The following RASA3 variants were observed in gnomAD, a reference collection of about 807,000 sequenced individuals.
RASA3 encodes ras GTPase-activating protein 3.
Under a neutral mutation model 110.0 loss-of-function variants are expected in RASA3, and 73 were observed. The observed-to-expected ratio is 0.66, with a 90% CI of 0.55 to 0.81. The LOEUF (loss-of-function observed/expected upper bound fraction) is 0.81. Among genes scored for constraint, RASA3 ranks in the 30% least tolerant of loss-of-function variants. The pLI, the probability that RASA3 is intolerant of heterozygous loss-of-function variation, is 0.00. For synonymous variants in RASA3, 500 were observed against 451.4 expected, an observed-to-expected ratio of 1.11 and a Z score of -1.37; for missense variants, 976 against 1,113.2, an observed-to-expected ratio of 0.88 and a Z score of 1.75.
intron 12 of RASA3, among the ~76,000 whole-genome samples, chr13:114,016,936 C>T (rs1013266226): frequency 6.6e-6 from 1 of 152,200 alleles, no homozygotes; most frequent in Non-Finnish European, 1.5e-5. Flanking sequence ...CAGGGGACTG[C>T]AGGACATGTG....
At chr13:114,032,880 A>G (rs1221735597) in intron 4 of RASA3, among the ~76,000 whole-genome samples, 5 of 25,612 alleles carry the variant, frequency 2.0e-4, no homozygotes, top group Non-Finnish European at 2.1e-4. Context: ...CTGACACCAC[A>G]CCCCACAGCA....
chr13:114,049,692 C>T (rs2079111451), intron 3 of RASA3, among the ~76,000 whole-genome samples: 1 of 152,240 alleles, frequency 6.6e-6, no homozygotes. Flanking sequence ...TGAGCCCCGC[C>T]AGATACACCA....
intron 1 of RASA3, among the ~76,000 whole-genome samples, chr13:114,126,666 A>G (rs1566592342): frequency 6.6e-6 from 1 of 152,244 alleles, no homozygotes; most frequent in Non-Finnish European, 1.5e-5. Context: ...TTGCTTACAT[A>G]GAAGTCCAGT....
Position 114,009,370 on chromosome 13 carries a change from G to C in RASA3, c.1668+17C>G. ...GAGCACGGCACACGGGCGGTCGGAG[G>C]GTGAGTCGATACTTACGTTCTTCAC... On this transcript the variant is annotated intron_variant, in intron 17 of 23. Transcript: ENST00000334062. 6 of 1,599,652 alleles carry C rather than the reference G, an allele frequency of 3.8e-6. No homozygotes were observed. Among genetic ancestry groups the C allele is most frequent in the Non-Finnish European group, 5.1e-6 (6 of 1,168,142 alleles).
intron 4 of RASA3, among the ~76,000 whole-genome samples, chr13:114,034,602 G>A (rs1008848434): frequency 6.6e-6 from 1 of 152,192 alleles, no homozygotes; most frequent in Admixed American, 6.5e-5. Flanking sequence ...TCAGGAGTGG[G>A]AACAAACAAA....
intron 17 of RASA3, among the ~76,000 whole-genome samples, chr13:114,007,934 G>A (rs1158882983): frequency 1.6e-5 from 2 of 121,878 alleles, no homozygotes; most frequent in Non-Finnish European, 3.6e-5. Context: ...ATCCCTGACT[G>A]TGGGGAGGAG....
At chr13:114,018,646 G>A (rs3818624) in intron 10 of RASA3, 117 bp downstream of exon 10, 276,739 of 1,309,844 alleles carry the variant, frequency 0.21, 30,383 homozygotes, top group African/African-American at 0.27. Context: ...GCTGGGAGGC[G>A]TGGGAAAGGC....
intron 8 of RASA3, among the ~76,000 whole-genome samples, 156 bp downstream of exon 8, chr13:114,024,123 C>T (rs573725031): frequency 1.2e-4 from 19 of 152,388 alleles, no homozygotes; most frequent in African/African-American, 4.1e-4. Flanking sequence ...CAGGCTGTCA[C>T]TTCAACTACA....
At chr13:114,019,854 C>A (rs1467913463) in intron 9 of RASA3, among the ~76,000 whole-genome samples, 3 of 71,836 alleles carry the variant, frequency 4.2e-5, no homozygotes, top group Admixed American at 3.8e-4. Context: ...AGCCTGTGTC[C>A]GAGGCATTAG....
chr13:114,103,511 G>A (rs1460459551), intron 1 of RASA3, among the ~76,000 whole-genome samples: 1 of 146,556 alleles, frequency 6.8e-6, no homozygotes, highest in African/African-American at 2.5e-5. Flanking sequence ...TCTCGGCTCA[G>A]CACCACCACC....
intron 4 of RASA3, among the ~76,000 whole-genome samples, chr13:114,030,710 G>A (rs550789708): frequency 9.2e-5 from 14 of 152,280 alleles, no homozygotes; most frequent in African/African-American, 1.9e-4. Flanking sequence ...CTGTCTGTGC[G>A]TACAACTGTG....
At chr13:114,038,712 C>T (rs1432772636) in intron 4 of RASA3, among the ~76,000 whole-genome samples, 1 of 138,906 alleles carries the variant, frequency 7.2e-6, no homozygotes, top group Non-Finnish European at 1.6e-5. Flanking sequence ...AAGACGGTTC[C>T]CAGAGGACGA....
chr13:114,094,171 T>G (rs1265294314), intron 1 of RASA3, among the ~76,000 whole-genome samples: 1 of 152,196 alleles, frequency 6.6e-6, no homozygotes, highest in African/African-American at 2.4e-5. Context: ...TGACTGTGCA[T>G]AGGTACAGAA....
intron 1 of RASA3, among the ~76,000 whole-genome samples, chr13:114,124,062 GC>G (rs1327539720): frequency 2.0e-5 from 3 of 152,152 alleles, no homozygotes; most frequent in Non-Finnish European, 4.4e-5. Flanking sequence ...CCCCGGCCCA[GC>G]CCCCAGAAGC....
At chr13:114,092,901 T>A (rs1248474781) in intron 1 of RASA3, among the ~76,000 whole-genome samples, 1 of 152,206 alleles carries the variant, frequency 6.6e-6, no homozygotes, top group African/African-American at 2.4e-5. Context: ...ATTGACCTCC[T>A]TTTGTAGCCC....
intron 3 of RASA3, among the ~76,000 whole-genome samples, chr13:114,043,406 G>T (rs923388775): frequency 6.6e-6 from 1 of 152,114 alleles, no homozygotes; most frequent in Non-Finnish European, 1.5e-5. Flanking sequence ...CATCCACTCT[G>T]CAAAGCAAAG....
Position 114,041,069 on chromosome 13 carries a change from G to A in RASA3, c.303C>T (p.Asp101=), listed in dbSNP as rs765421642. The A allele has an allele frequency of 1.4e-5, 23 of 1,613,850 alleles. No homozygotes were observed. In the South Asian group the frequency reaches 2.1e-4, roughly 15 times the overall value. The change falls in exon 4 of 24, where the codon GAC becomes GAT. Residue 101 remains aspartate (D), a synonymous_variant. Coordinates refer to ENST00000334062, the MANE Select transcript of RASA3 (RefSeq NM_007368.4). ...IIGKVAIQKE[D]LQKYHNRDTW... ...TGTCCCTGTTGTGGTACTTCTGCAAGTCCTCCTTCTGGATGGCCACCTTCC... is the reference window on the plus strand; with the variant it reads ...TGTCCCTGTTGTGGTACTTCTGCAAATCCTCCTTCTGGATGGCCACCTTCC...
intron 18 of RASA3, among the ~76,000 whole-genome samples, chr13:114,001,611 C>T (rs1398229620): frequency 3.4e-5 from 5 of 145,646 alleles, no homozygotes; most frequent in Admixed American, 1.4e-4. Flanking sequence ...GCCACAGGCT[C>T]GGGGTCAGGG....
intron 3 of RASA3, among the ~76,000 whole-genome samples, chr13:114,043,368 C>T (rs910766035): frequency 3.9e-5 from 6 of 152,166 alleles, no homozygotes; most frequent in African/African-American, 4.8e-5. Context: ...CATCTGATGT[C>T]CTCAGGGGAG....
Sources: allele counts gnomAD v4.1 joint callset (sites outside exome capture counted in the v4.1 genomes callset), GRCh38; gene constraint gnomAD v4.1.1; transcripts MANE v1.5; gene names NCBI Gene and HGNC (gene_info 2026-07-23, HGNC 2026-07-21).